The following TSGA10 variants were observed in gnomAD, a reference collection of about 807,000 sequenced individuals.
TSGA10 encodes testis specific 10.
In TSGA10, 43 loss-of-function variants were observed where a neutral mutation model predicts 96.6. That is an observed-to-expected ratio of 0.44 (90% CI 0.35 to 0.57). The LOEUF is 0.57. Ranked by LOEUF, TSGA10 falls within the 20% of genes least tolerant of loss-of-function variation. The pLI is 0.01. For synonymous variants in TSGA10, 229 were observed against 269.9 expected (o/e 0.85, Z 1.48); for missense variants, 703 against 834.4 (o/e 0.84, Z 1.94).
chr2:99,045,200 C>CAG (rs1441546762), intron 16 of TSGA10, among the ~76,000 whole-genome samples: 1 of 151,842 alleles, frequency 6.6e-6, no homozygotes, highest in South Asian at 2.1e-4. Context: ...CTGAAGGAGA[C>CAG]AGAGACACAA....
rs751952255 is a variant in TSGA10, at chr2:99,147,484, G to C, written c.-621+7209C>G. The C allele has an allele frequency of 3.1e-6, 5 of 1,613,828 alleles. No homozygotes were observed. The South Asian group carries it at 5.5e-5, about 18-fold the overall frequency. On this transcript the variant is annotated intron_variant, in intron 1 of 20. Transcript: ENST00000393483. ...TCACCCTTCATGTCCTCAACTCTGG[G>C]GAAGTTAAGGTAAGACTCACAGGGC...
intron 2 of TSGA10, among the ~76,000 whole-genome samples, chr2:99,121,989 G>A (rs528190483): frequency 1.4e-4 from 21 of 152,146 alleles, no homozygotes; most frequent in African/African-American, 4.6e-4. Context: ...TGTTTTCCCT[G>A]TATCTAAATG....
chr2:99,105,812 G>T, intron 7 of TSGA10, 115 bp from the exon 8 acceptor site: 1 of 635,732 alleles, frequency 1.6e-6, no homozygotes, highest in African/African-American at 1.8e-5. Flanking sequence ...ATGCAGCAGG[G>T]TAATGGTATC....
chr2:99,102,288 G>A, intron 10 of TSGA10: 1 of 1,611,678 alleles, frequency 6.2e-7, no homozygotes, highest in Non-Finnish European at 8.5e-7. Context: ...AGATGTGGAG[G>A]GCAGTCAGTC....
intron 4 of TSGA10, among the ~76,000 whole-genome samples, chr2:99,111,666 T>C (rs2091830600): frequency 6.6e-6 from 1 of 152,178 alleles, no homozygotes; most frequent in South Asian, 2.1e-4. Context: ...TTATGAAATA[T>C]TAAGGGGTGC....
intron 10 of TSGA10, chr2:99,102,177 G>T: frequency 6.4e-7 from 1 of 1,554,334 alleles, no homozygotes; most frequent in Non-Finnish European, 8.9e-7. Flanking sequence ...TCGGAAATAT[G>T]AAGCTATTCA....
chr2:99,078,467 T>C (rs1325411828), intron 12 of TSGA10, among the ~76,000 whole-genome samples, 192 bp downstream of exon 12: 2 of 152,192 alleles, frequency 1.3e-5, no homozygotes, highest in Non-Finnish European at 2.9e-5. Context: ...AAATATTAGC[T>C]ACTAGATTTG....
chr2:99,122,227 A>AT (rs1326755752), intron 2 of TSGA10, among the ~76,000 whole-genome samples: 4 of 152,144 alleles, frequency 2.6e-5, no homozygotes, highest in Non-Finnish European at 5.9e-5. Flanking sequence ...TTATCTCAAC[A>AT]TTTTTTAGAA....
intron 10 of TSGA10, among the ~76,000 whole-genome samples, chr2:99,088,202 T>C (rs555040520): frequency 1.3e-5 from 2 of 152,320 alleles, no homozygotes; most frequent in East Asian, 3.9e-4. Context: ...AGTAGTCCCC[T>C]CTTATCTGTG....
chr2:99,102,083 G>A, intron 10 of TSGA10: 1 of 1,487,188 alleles, frequency 6.7e-7, no homozygotes, highest in Non-Finnish European at 9.4e-7. Flanking sequence ...ATTTCTCTGA[G>A]CAGAAAGAAA....
At chr2:99,007,425 T>A (rs2078600838) in intron 20 of TSGA10, among the ~76,000 whole-genome samples, 1 of 151,964 alleles carries the variant, frequency 6.6e-6, no homozygotes, top group South Asian at 2.1e-4. Context: ...ATATTTACCA[T>A]GTAAATAGAA....
chr2:99,000,838 G>A (rs183883672), intron 20 of TSGA10, among the ~76,000 whole-genome samples: 2 of 152,278 alleles, frequency 1.3e-5, no homozygotes, highest in Admixed American at 6.5e-5. Context: ...TGCATGGCTC[G>A]GTGGGTCCCA....
chr2:99,060,343 TA>T (rs200759574), intron 16 of TSGA10, among the ~76,000 whole-genome samples: 4 of 152,038 alleles, frequency 2.6e-5, no homozygotes, highest in Non-Finnish European at 5.9e-5. Context: ...ATAAGAGCCA[TA>T]AAAAACCCCA....
At chr2:99,052,673 G>A (rs536056898) in intron 16 of TSGA10, among the ~76,000 whole-genome samples, 2 of 152,006 alleles carry the variant, frequency 1.3e-5, no homozygotes, top group South Asian at 4.2e-4. Context: ...AGGAGGCGGA[G>A]CTTGCAGTGA....
At chr2:99,096,208 T>C (rs927962280) in intron 10 of TSGA10, among the ~76,000 whole-genome samples, 17 of 152,254 alleles carry the variant, frequency 1.1e-4, no homozygotes, top group African/African-American at 3.6e-4. Flanking sequence ...ACATGTTTTA[T>C]TCTTTATAAA....
At chr2:99,070,527 G>C (rs983258806) in intron 14 of TSGA10, among the ~76,000 whole-genome samples, 4 of 152,070 alleles carry the variant, frequency 2.6e-5, no homozygotes, top group African/African-American at 9.7e-5. Context: ...CAGTAACTGA[G>C]TATCAAAAAC....
intron 2 of TSGA10, chr2:99,126,328 T>G (rs1025777706): frequency 2.0e-5 from 3 of 152,274 alleles, no homozygotes; most frequent in African/African-American, 4.8e-5. Context: ...TTTTCTTCGG[T>G]CTTTCTTTTG....
intron 1 of TSGA10, among the ~76,000 whole-genome samples, chr2:99,143,060 G>A (rs1215617676): frequency 1.3e-5 from 2 of 150,408 alleles, no homozygotes; most frequent in Non-Finnish European, 3.0e-5. Context: ...CCCCTAACCT[G>A]AGAAAGTAAA....
At chr2:99,102,757 A>C (rs2090916591) in intron 10 of TSGA10, 2 of 1,597,698 alleles carry the variant, frequency 1.3e-6, no homozygotes, top group African/African-American at 2.7e-5. Flanking sequence ...GGTTAATTGG[A>C]AAATACTACT....
Sources: gnomAD v4.1 joint callset for allele counts (sites outside exome capture counted in the v4.1 genomes callset) on GRCh38, gnomAD v4.1.1 for gene constraint, MANE v1.5 for transcripts, NCBI Gene and HGNC (gene_info 2026-07-23, HGNC 2026-07-21) for gene names.